Variants in ZMIZ1 observed in about 807,000 individuals in gnomAD.
The protein encoded by ZMIZ1 is zinc finger MIZ-type containing 1, also known as zinc finger MIZ domain-containing protein 1.
In ZMIZ1, 17 loss-of-function variants were observed where a neutral mutation model predicts 113.9. That is an observed-to-expected ratio of 0.15 (90% CI 0.10 to 0.22). The LOEUF (loss-of-function observed/expected upper bound fraction) is 0.22. Ranked by LOEUF, ZMIZ1 falls within the 10% of genes least tolerant of loss-of-function variation. The pLI is 1.00. For synonymous variants in ZMIZ1, 607 were observed against 603.1 expected (o/e 1.01, Z -0.09); for missense variants, 1,059 against 1,477.8 (o/e 0.72, Z 4.65).
At chr10:79,306,871 A>T (rs1431454579) in intron 22 of ZMIZ1, among the ~76,000 whole-genome samples, 1 of 151,968 alleles carries the variant, frequency 6.6e-6, no homozygotes, top group African/African-American at 2.4e-5. Flanking sequence ...ACCTAGCCGA[A>T]CTCCCACAGT....
intron 1 of ZMIZ1, among the ~76,000 whole-genome samples, chr10:79,083,319 C>G (rs1029010604): frequency 3.9e-5 from 6 of 152,138 alleles, no homozygotes; most frequent in Non-Finnish European, 7.3e-5. Context: ...AAGAGCTCTC[C>G]AGGCAGTGGG....
At chr10:79,095,897 G>A (rs537607039) in intron 1 of ZMIZ1, among the ~76,000 whole-genome samples, 3 of 152,244 alleles carry the variant, frequency 2.0e-5, no homozygotes, top group Non-Finnish European at 4.4e-5. Flanking sequence ...CACCTTGTGT[G>A]TACTACGTGT....
At chr10:79,196,953 G>A (rs973545750) in intron 4 of ZMIZ1, among the ~76,000 whole-genome samples, 3 of 152,216 alleles carry the variant, frequency 2.0e-5, no homozygotes, top group Non-Finnish European at 4.4e-5. Context: ...TGGAGTGAGG[G>A]AGAGGACGGA....
At position 79,310,967 on chromosome 10, in the gene ZMIZ1, A is replaced by C. The variant is rs1855110864; in HGVS notation, c.2879A>C (p.Gln960Pro). The C allele has an allele frequency of 2.5e-6, 4 of 1,613,448 alleles. No individual in the cohort carries two copies. The highest frequency in any genetic ancestry group is 3.4e-6 in the Non-Finnish European group (4 of 1,179,876). ...TCTGACCAGCCCCACCCCTCCATAC[A>C]ACAAGGTTTGCACGTACCACACCCC... ...GSSDQPHPSI[Q>P]QGLHVPHPSS... The change falls in exon 24 of 25, where the codon CAA (glutamine) becomes CCA (proline). Residue 960 changes from glutamine to proline, a missense_variant. This residue lies in a region of ZMIZ1 where 225 missense variants were observed against 276.0 expected (regional missense o/e 0.82). Transcript: ENST00000334512.
chr10:79,216,301 T>C (rs1316785310), intron 7 of ZMIZ1, 27 bp downstream of exon 7: 2 of 1,564,098 alleles, frequency 1.3e-6, no homozygotes, highest in African/African-American at 1.4e-5. Flanking sequence ...GACTCTGCGA[T>C]GTCACTGGGA....
intron 7 of ZMIZ1, among the ~76,000 whole-genome samples, chr10:79,223,205 C>G (rs994735585): frequency 6.6e-6 from 1 of 152,370 alleles, no homozygotes; most frequent in South Asian, 2.1e-4. Context: ...CAAAGCTGTG[C>G]GCAGCTCTGC....
chr10:79,205,240 T>A, intron 5 of ZMIZ1, among the ~76,000 whole-genome samples: 1 of 152,212 alleles, frequency 6.6e-6, no homozygotes, highest in East Asian at 1.9e-4. Context: ...CCTCTGCCTA[T>A]GATTCAAACA....
At chr10:79,248,533 T>C (rs1850350192) in intron 7 of ZMIZ1, among the ~76,000 whole-genome samples, 1 of 152,138 alleles carries the variant, frequency 6.6e-6, no homozygotes, top group Admixed American at 6.5e-5. Context: ...GAATCGGGCA[T>C]AGAAGTTGGG....
intron 1 of ZMIZ1, among the ~76,000 whole-genome samples, chr10:79,079,201 G>C (rs937992624): frequency 6.6e-6 from 1 of 152,252 alleles, no homozygotes; most frequent in Non-Finnish European, 1.5e-5. Flanking sequence ...GGGCAGAGGG[G>C]TGGGGCCTCT....
rs976984153 is a variant in ZMIZ1 at position 79,307,591 on chromosome 10, C to G, written c.2835+20C>G. 1 of 1,606,750 alleles carries G rather than the reference C, an allele frequency of 6.2e-7. No individual in the cohort carries two copies. Among genetic ancestry groups the G allele is most frequent in the East Asian group, 2.2e-5 (1 of 44,734 alleles). On this transcript the variant is annotated intron_variant, in intron 23 of 24. Transcript: ENST00000334512. ...GAAACTGTGAGTACCTCCTCCTCAC[C>G]CCATTCCATTCCCCAGCCTTTGGGG...
At position 79,292,719 on chromosome 10, in the gene ZMIZ1, G is replaced by A. The variant is rs180941928; in HGVS notation, c.957+363G>A. 1.7e-5 allele frequency: 8 copies of A among 474,608 alleles called. No homozygotes were observed. In the East Asian group the frequency reaches 3.8e-4, roughly 22 times the overall value. The allele number at this position is 474,608 out of a possible 1,614,324, so 29.4% of individuals were successfully genotyped here. ...CTAAAAATAGTCTTGTGACCGGTCT[G>A]TCTCCTGGATTGCCTCTGAGACCAG... On this transcript the variant is annotated intron_variant, in intron 11 of 24. Coordinates refer to ENST00000334512, the MANE Select transcript of ZMIZ1 (RefSeq NM_020338.4).
chr10:79,072,689 T>A (rs995833388), intron 1 of ZMIZ1, among the ~76,000 whole-genome samples: 12 of 152,226 alleles, frequency 7.9e-5, no homozygotes, highest in African/African-American at 2.4e-4. Flanking sequence ...TGCTGGTTCG[T>A]GGCTGGGTCC....
intron 4 of ZMIZ1, among the ~76,000 whole-genome samples, chr10:79,184,624 C>G (rs1427268679): frequency 6.6e-6 from 1 of 152,216 alleles, no homozygotes; most frequent in Non-Finnish European, 1.5e-5. Flanking sequence ...ACACCTGATC[C>G]ATGGACTGTG....
intron 1 of ZMIZ1, among the ~76,000 whole-genome samples, chr10:79,101,543 C>T (rs1843363868): frequency 6.6e-6 from 1 of 152,132 alleles, no homozygotes. Context: ...GGTCCTTGGC[C>T]CAGTGGATGT....
At chr10:79,289,443 G>A (rs965322803) in intron 8 of ZMIZ1, among the ~76,000 whole-genome samples, 1 of 152,208 alleles carries the variant, frequency 6.6e-6, no homozygotes, top group African/African-American at 2.4e-5. Context: ...CAGAGCCCGG[G>A]TGAAGGAGGA....
rs150379236 is a variant in ZMIZ1 at position 79,287,057 on chromosome 10, G to A, written c.426-2718G>A. Among the ~76,000 whole-genome samples the A allele has an allele frequency of 8.0e-3, 1,212 of 152,350 alleles. 5 individuals are homozygous for A. Among genetic ancestry groups the A allele is most frequent in the Middle Eastern group, 0.031 (9 of 294 alleles). ...CCCTCTGGTCATCCAGCACACCTAG[G>A]ACATGGGCCTTGAGGACAGCAGGTG... is the stretch of plus-strand genomic sequence containing the variant. On this transcript the variant is annotated intron_variant, in intron 8 of 24. Transcript: ENST00000334512.
intron 5 of ZMIZ1, 22 bp downstream of exon 5, chr10:79,201,714 C>G (rs777269085): frequency 1.2e-6 from 2 of 1,610,876 alleles, no homozygotes; most frequent in Non-Finnish European, 1.7e-6. Flanking sequence ...GCAAGGCACA[C>G]TCCGAGGGCG....
chr10:79,274,293 A>T (rs1852130465), intron 7 of ZMIZ1, among the ~76,000 whole-genome samples: 2 of 152,244 alleles, frequency 1.3e-5, no homozygotes. Context: ...TAGCAAGTGC[A>T]CAGACCAAAG....
chr10:79,251,414 C>T (rs928672547), intron 7 of ZMIZ1, among the ~76,000 whole-genome samples: 2 of 152,146 alleles, frequency 1.3e-5, no homozygotes, highest in Non-Finnish European at 2.9e-5. Context: ...CGTGGTTCTC[C>T]TCATGTTTGT....
Sources: allele counts gnomAD v4.1 joint callset (sites outside exome capture counted in the v4.1 genomes callset), GRCh38; gene constraint gnomAD v4.1.1; regional missense constraint gnomAD v4.1.1; transcripts MANE v1.5; gene names NCBI Gene and HGNC (gene_info 2026-07-23, HGNC 2026-07-21).